The following KCND2 variants were observed in gnomAD, a reference collection of about 807,000 sequenced individuals.
The protein encoded by KCND2 is A-type voltage-gated potassium channel KCND2.
KCND2 carries 16 observed loss-of-function variants against 54.4 expected under a neutral mutation model. That is an observed-to-expected ratio of 0.29 (90% CI 0.20 to 0.45). The LOEUF is 0.45. Among genes scored for constraint, KCND2 ranks in the 20% least tolerant of loss-of-function variants. The probability of loss-of-function intolerance (pLI) is 1.00; values close to 1 mark genes in which losing one functional copy is unlikely to be tolerated. For synonymous variants in KCND2, 317 were observed against 310.7 expected, an observed-to-expected ratio of 1.02 and a Z score of -0.21; for missense variants, 486 against 824.2, an observed-to-expected ratio of 0.59 and a Z score of 5.02.
intron 1 of KCND2, among the ~76,000 whole-genome samples, chr7:120,571,023 T>G (rs889436171): frequency 1.3e-5 from 2 of 152,200 alleles, no homozygotes; most frequent in Admixed American, 1.3e-4. Context: ...GTCTCCGCTG[T>G]CTTACCATTT....
At chr7:120,390,726 T>C (rs1801061361) in intron 1 of KCND2, among the ~76,000 whole-genome samples, 1 of 151,996 alleles carries the variant, frequency 6.6e-6, no homozygotes, top group South Asian at 2.1e-4. Flanking sequence ...TTGTTCATCA[T>C]TTTTTACTTG....
chr7:120,717,007 T>C (rs1386894077), intron 1 of KCND2, among the ~76,000 whole-genome samples: 1 of 152,110 alleles, frequency 6.6e-6, no homozygotes, highest in Admixed American at 6.6e-5. Flanking sequence ...TAATTAATAA[T>C]GAAATAGAAA....
chr7:120,316,155 TA>T lies in KCND2; in HGVS notation c.1115+40412del, dbSNP rs568861507. On this transcript the variant is annotated intron_variant, in intron 1 of 5. Coordinates refer to ENST00000331113, the MANE Select transcript of KCND2 (RefSeq NM_012281.3). ...GCGTTTATCTTCCATTTTAGAAACC[TA>T]AAAGAAAAAACTATACTCTTTTACA... Among the ~76,000 whole-genome samples, 21 of 152,282 alleles carry T rather than the reference TA, an allele frequency of 1.4e-4. No individual in the cohort carries two copies. The East Asian group carries it at 3.5e-3, about 25-fold the overall frequency.
intron 1 of KCND2, among the ~76,000 whole-genome samples, chr7:120,299,269 A>T (rs912642308): frequency 7.9e-5 from 12 of 152,222 alleles, no homozygotes; most frequent in African/African-American, 2.9e-4. Context: ...GGTAAAAGAA[A>T]TAAGTAGACA....
At chr7:120,660,222 A>G (rs995337381) in intron 1 of KCND2, among the ~76,000 whole-genome samples, 2 of 152,206 alleles carry the variant, frequency 1.3e-5, no homozygotes, top group African/African-American at 4.8e-5. Context: ...TTTGACTCCT[A>G]TCGTCAGTTC....
chr7:120,499,906 T>C (rs802349), intron 1 of KCND2, among the ~76,000 whole-genome samples: 44,542 of 152,084 alleles, frequency 0.29, 9,401 homozygotes, highest in African/African-American at 0.58. Context: ...CCAGTCTCTA[T>C]GTGATTAACT....
intron 1 of KCND2, among the ~76,000 whole-genome samples, chr7:120,396,460 T>C (rs1801157086): frequency 6.6e-6 from 1 of 152,118 alleles, no homozygotes; most frequent in Non-Finnish European, 1.5e-5. Context: ...GTAATTGTTA[T>C]ATTTCGACAT....
At chr7:120,568,401 T>C (rs1040889802) in intron 1 of KCND2, among the ~76,000 whole-genome samples, 12 of 152,106 alleles carry the variant, frequency 7.9e-5, no homozygotes, top group African/African-American at 2.9e-4. Context: ...GAAAAAAATA[T>C]CTTCTTGAAC....
chr7:120,437,246 A>G (rs113157195), intron 1 of KCND2, among the ~76,000 whole-genome samples: 3,264 of 137,304 alleles, frequency 0.024, 136 homozygotes, highest in African/African-American at 0.088. Flanking sequence ...TCTGCTGCCC[A>G]GGCTGGAGTG....
chr7:120,675,855 C>CTTTTT (rs58226731), intron 1 of KCND2, among the ~76,000 whole-genome samples: 54 of 121,496 alleles, frequency 4.4e-4, no homozygotes, highest in Non-Finnish European at 7.9e-4. Context: ...TCTTTCTATT[C>CTTTTT]TTTTTTTTTT....
rs765617019 is a variant in KCND2 at position 120,741,556 on chromosome 7, G to A, written c.1301G>A (p.Arg434Gln). The A allele has an allele frequency of 1.1e-5, 18 of 1,612,846 alleles. No individual in the cohort carries two copies. The highest frequency in any genetic ancestry group is 4.0e-5 in the African/African-American group (3 of 74,876). ...TAGAAAGCTAGACTGGCCAGGATCC[G>A]GGCAGCCAAAAGCGGAAGCGCAAAT... is the stretch of plus-strand genomic sequence containing the variant. Reference protein sequence around the residue: ...AQKKARLARIRAAKSGSANAY... With the variant: ...AQKKARLARIQAAKSGSANAY... The change falls in exon 3 of 6, where the codon CGG becomes CAG. Residue 434 changes from arginine to glutamine, a missense_variant. By Grantham distance (43) the Arg-to-Gln change is conservative. This residue lies in a region of KCND2 where 202 missense variants were observed against 252.7 expected (regional missense o/e 0.80). Coordinates refer to ENST00000331113, the MANE Select transcript of KCND2 (RefSeq NM_012281.3).
At chr7:120,284,420 A>G (rs1799310331) in intron 1 of KCND2, among the ~76,000 whole-genome samples, 1 of 152,120 alleles carries the variant, frequency 6.6e-6, no homozygotes, top group Non-Finnish European at 1.5e-5. Flanking sequence ...TCTTCTCCAT[A>G]TTGTTTTAGA....
chr7:120,314,210 G>A (rs573453521), intron 1 of KCND2, among the ~76,000 whole-genome samples: 6 of 151,882 alleles, frequency 4.0e-5, no homozygotes, highest in African/African-American at 9.6e-5. Context: ...AATTACTTTT[G>A]TACAAAATGT....
intron 1 of KCND2, among the ~76,000 whole-genome samples, chr7:120,718,662 G>T (rs989882447): frequency 1.3e-5 from 2 of 152,098 alleles, no homozygotes; most frequent in African/African-American, 4.8e-5. Flanking sequence ...ATTAGGAACA[G>T]CACAGGCACT....
chr7:120,472,944 C>T (rs999797684), intron 1 of KCND2, among the ~76,000 whole-genome samples: 1 of 152,156 alleles, frequency 6.6e-6, no homozygotes, highest in African/African-American at 2.4e-5. Flanking sequence ...GAAACAGAAA[C>T]TAAAATAAAA....
intron 1 of KCND2, among the ~76,000 whole-genome samples, chr7:120,309,474 T>TATATATATATATATATAC (rs1257702636): frequency 1.8e-4 from 20 of 113,270 alleles, no homozygotes; most frequent in African/African-American, 5.7e-4. Flanking sequence ...TATATATATA[T>TATATATATATATATATAC]ACACACACAC....
rs374771737 is a variant in KCND2 at position 120,304,478 on chromosome 7, T to G, written c.1115+28731T>G. On this transcript the variant is annotated intron_variant, in intron 1 of 5. Transcript: ENST00000331113. ...TGTGTGGCCTCCATGCCGGCAGCATTGGCATCAATCACCTGGGAACTTGTT... is the reference window on the plus strand; with the variant it reads ...TGTGTGGCCTCCATGCCGGCAGCATGGGCATCAATCACCTGGGAACTTGTT... Among the ~76,000 whole-genome samples the G allele has an allele frequency of 3.9e-5, 6 of 152,282 alleles. No homozygotes were observed. In the East Asian group the frequency reaches 7.7e-4, roughly 20 times the overall value.
At chr7:120,521,140 A>C (rs889200520) in intron 1 of KCND2, among the ~76,000 whole-genome samples, 1 of 152,140 alleles carries the variant, frequency 6.6e-6, no homozygotes, top group African/African-American at 2.4e-5. Flanking sequence ...ATTGCTGTAC[A>C]TGAAAGCAAA....
chr7:120,582,063 G>A (rs1562879085), intron 1 of KCND2, among the ~76,000 whole-genome samples: 1 of 152,068 alleles, frequency 6.6e-6, no homozygotes. Flanking sequence ...AAAACCTTCA[G>A]TCCTTTTAAT....
Sources: gnomAD v4.1 joint callset for allele counts (sites outside exome capture counted in the v4.1 genomes callset) on GRCh38, gnomAD v4.1.1 for gene constraint, gnomAD v4.1.1 regional missense constraint, MANE v1.5 for transcripts, NCBI Gene and HGNC (gene_info 2026-07-23, HGNC 2026-07-21) for gene names.